NCALD: variants seen among roughly 807,000 people sequenced by gnomAD.
NCALD encodes neurocalcin delta.
Under a neutral mutation model 18.6 loss-of-function variants are expected in NCALD, and 10 were observed. The observed-to-expected ratio is 0.54, with a 90% CI of 0.33 to 0.91. The LOEUF (loss-of-function observed/expected upper bound fraction) is 0.91, where lower values mean the gene tolerates loss of function less well. Ranked by LOEUF, NCALD falls within the 40% of genes least tolerant of loss-of-function variation. The pLI, the probability that NCALD is intolerant of heterozygous loss-of-function variation, is 0.03. For missense variants in NCALD, 184 were observed against 247.6 expected (o/e 0.74, Z 1.72); for synonymous variants, 88 against 87.4 (o/e 1.01, Z -0.04).
At chr8:102,077,151 G>A (rs911143677) in intron 1 of NCALD, among the ~76,000 whole-genome samples, 1 of 152,114 alleles carries the variant, frequency 6.6e-6, no homozygotes, top group Non-Finnish European at 1.5e-5. Context: ...GAGGGGGTGG[G>A]GTGGAATTGC....
chr8:101,741,354 C>T (rs7008826), intron 1 of NCALD, among the ~76,000 whole-genome samples: 115,708 of 152,156 alleles, frequency 0.76, 44,066 homozygotes, highest in East Asian at 0.84. Context: ...CATAGCTCAG[C>T]AGTTATGATG....
At chr8:101,896,322 C>T (rs1297924368) in intron 3 of NCALD, among the ~76,000 whole-genome samples, 2 of 152,020 alleles carry the variant, frequency 1.3e-5, no homozygotes, top group South Asian at 4.1e-4. Context: ...ATGTAGAAAG[C>T]TGAAACTGGA....
intron 3 of NCALD, chr8:101,915,598 G>A (rs977022638): frequency 9.2e-5 from 14 of 152,156 alleles, no homozygotes; most frequent in Non-Finnish European, 1.8e-4. Context: ...GTGATAAGCA[G>A]GCAGTACCTT....
chr8:101,867,101 C>T (rs1815801817), intron 4 of NCALD, among the ~76,000 whole-genome samples: 2 of 152,190 alleles, frequency 1.3e-5, no homozygotes, highest in Non-Finnish European at 1.5e-5. Flanking sequence ...GGCCTTTGTA[C>T]TTGGCACTCC....
At chr8:102,040,127 T>G (rs867432221) in intron 1 of NCALD, among the ~76,000 whole-genome samples, 2 of 152,218 alleles carry the variant, frequency 1.3e-5, no homozygotes, top group South Asian at 4.1e-4. Flanking sequence ...TGAGTTTACA[T>G]ACATAAAGTC....
intron 2 of NCALD, among the ~76,000 whole-genome samples, chr8:102,007,539 G>A (rs1003047708): frequency 2.6e-5 from 4 of 152,172 alleles, no homozygotes; most frequent in African/African-American, 9.7e-5. Context: ...GTTTGCTGAC[G>A]CTAAACTACA....
chr8:101,804,158 A>G (rs1389633207), intron 4 of NCALD, among the ~76,000 whole-genome samples: 2 of 151,718 alleles, frequency 1.3e-5, no homozygotes, highest in Admixed American at 6.6e-5. Flanking sequence ...TTTATATCAC[A>G]GTAATTTGTG....
At chr8:101,874,869 C>T (rs1306178863) in intron 4 of NCALD, among the ~76,000 whole-genome samples, 1 of 151,910 alleles carries the variant, frequency 6.6e-6, no homozygotes, top group Non-Finnish European at 1.5e-5. Flanking sequence ...CTAAGTAGAA[C>T]AGGAGGGAGG....
intron 2 of NCALD, among the ~76,000 whole-genome samples, chr8:101,697,333 C>T (rs1253290849): frequency 1.3e-5 from 2 of 152,090 alleles, no homozygotes; most frequent in South Asian, 2.1e-4. Flanking sequence ...AGCCCAGGAC[C>T]AGATGGATTC....
chr8:102,009,568 G>A (rs1250145232), intron 2 of NCALD, among the ~76,000 whole-genome samples: 1 of 152,216 alleles, frequency 6.6e-6, no homozygotes, highest in Non-Finnish European at 1.5e-5. Context: ...AAGAAAAGCT[G>A]CTACAAGTCA....
At chr8:101,854,445 T>G (rs573436530) in intron 4 of NCALD, among the ~76,000 whole-genome samples, 103 of 152,232 alleles carry the variant, frequency 6.8e-4, no homozygotes, top group Middle Eastern at 3.4e-3. Context: ...GCTCCTACAT[T>G]CACTTTCTAC....
At chr8:102,009,445 A>G (rs751875615) in intron 2 of NCALD, among the ~76,000 whole-genome samples, 3 of 152,244 alleles carry the variant, frequency 2.0e-5, no homozygotes, top group Non-Finnish European at 4.4e-5. Context: ...CTCCCTGAAT[A>G]AGGAGGAAAG....
intron 1 of NCALD, among the ~76,000 whole-genome samples, chr8:102,069,230 G>C (rs1017255477): frequency 6.6e-6 from 1 of 151,724 alleles, no homozygotes; most frequent in Non-Finnish European, 1.5e-5. Flanking sequence ...TGAGGTGATG[G>C]ATATGTTCAT....
chr8:102,092,073 C>T (rs1824942111), intron 1 of NCALD, among the ~76,000 whole-genome samples: 1 of 152,034 alleles, frequency 6.6e-6, no homozygotes, highest in Non-Finnish European at 1.5e-5. Context: ...GATAGGAGGT[C>T]AACACAAGAT....
chr8:102,060,191 C>T (rs946177772), intron 1 of NCALD, among the ~76,000 whole-genome samples: 4 of 150,332 alleles, frequency 2.7e-5, no homozygotes, highest in Admixed American at 6.6e-5. Flanking sequence ...CTGTGTTAGC[C>T]AGGATGGTCT....
chr8:101,843,228 A>T (rs1247229120), intron 4 of NCALD, among the ~76,000 whole-genome samples: 1 of 152,242 alleles, frequency 6.6e-6, no homozygotes, highest in Non-Finnish European at 1.5e-5. Context: ...TAAATGAGTC[A>T]AACTAGTCCA....
intron 2 of NCALD, among the ~76,000 whole-genome samples, chr8:101,717,456 T>C (rs1039336879): frequency 1.3e-5 from 2 of 152,218 alleles, no homozygotes; most frequent in African/African-American, 4.8e-5. Context: ...TTCTGAGTCG[T>C]GGAGGGACGG....
chr8:101,689,001 C>A lies in NCALD; in HGVS notation c.*308G>T, dbSNP rs1814584304. 1.4e-6 allele frequency: 1 copy of A among 690,212 alleles called. No individual in the cohort carries two copies. The highest frequency in any genetic ancestry group is 2.6e-6 in the Non-Finnish European group (1 of 380,038). 42.8% of individuals were successfully genotyped at this position (690,212 alleles called of 1,614,324 possible). A position where few individuals can be genotyped will look rare whatever the true frequency, so the allele number is the denominator to read the frequency against. On this transcript the variant is annotated 3_prime_UTR_variant, in exon 4 of 4. Coordinates refer to ENST00000220931, the MANE Select transcript of NCALD (RefSeq NM_032041.3). This position sits in a 1 kb window ranked among gnomAD's most constrained non-coding sequence, Gnocchi z 4.4. ...TGGGTTTCCCTTCTTTTGCCCCAACCCCCGAGTCTTACGTTTTAGAACAGA... is the reference window on the plus strand; with the variant it reads ...TGGGTTTCCCTTCTTTTGCCCCAACACCCGAGTCTTACGTTTTAGAACAGA...
intron 1 of NCALD, among the ~76,000 whole-genome samples, chr8:101,775,246 T>C (rs1226184710): frequency 1.3e-5 from 2 of 152,208 alleles, no homozygotes; most frequent in Non-Finnish European, 2.9e-5. Flanking sequence ...AGGCCTAACA[T>C]AGTGCCTGTA....
Sources: allele counts gnomAD v4.1 joint callset (sites outside exome capture counted in the v4.1 genomes callset), GRCh38; gene constraint gnomAD v4.1.1; non-coding constraint Gnocchi (gnomAD v3.1); transcripts MANE v1.5; gene names NCBI Gene and HGNC (gene_info 2026-07-23, HGNC 2026-07-21).